Variants in ROBO1 observed in about 807,000 individuals in gnomAD.
The protein encoded by ROBO1 is roundabout guidance receptor 1, also known as roundabout homolog 1.
ROBO1 carries 149 observed loss-of-function variants against 195.9 expected under a neutral mutation model. The observed-to-expected ratio is 0.76, with a 90% CI of 0.67 to 0.87. The LOEUF is 0.87. ROBO1 is among the 40% of genes least tolerant of loss of function. The pLI, the probability that ROBO1 is intolerant of heterozygous loss-of-function variation, is 0.00. For synonymous variants in ROBO1, 816 were observed against 733.2 expected (o/e 1.11, Z -1.82); for missense variants, 1,933 against 2,068.3 (o/e 0.93, Z 1.27).
At chr3:79,115,101 G>T (rs1347928012) in intron 3 of ROBO1, among the ~76,000 whole-genome samples, 1 of 152,120 alleles carries the variant, frequency 6.6e-6, no homozygotes, top group Non-Finnish European at 1.5e-5. Flanking sequence ...TCTGATCAGG[G>T]AAACCCAAAT....
intron 2 of ROBO1, among the ~76,000 whole-genome samples, chr3:79,202,086 G>A (rs1412262948): frequency 6.6e-6 from 1 of 151,828 alleles, no homozygotes; most frequent in Admixed American, 6.6e-5. Context: ...TCAAGTCTGG[G>A]CGGCAGCCCT....
intron 2 of ROBO1, among the ~76,000 whole-genome samples, chr3:79,433,137 AG>A (rs2038747293): frequency 6.6e-6 from 1 of 152,070 alleles, no homozygotes. Flanking sequence ...TATTAAGGCC[AG>A]TATCTATTAG....
At chr3:79,093,845 A>G (rs1038778768) in intron 3 of ROBO1, among the ~76,000 whole-genome samples, 1 of 152,108 alleles carries the variant, frequency 6.6e-6, no homozygotes, top group Non-Finnish European at 1.5e-5. Context: ...TAAGAAGTGG[A>G]CAGAAAAGAA....
chr3:79,188,909 A>T (rs958336644), intron 2 of ROBO1, among the ~76,000 whole-genome samples: 6 of 151,732 alleles, frequency 4.0e-5, no homozygotes, highest in African/African-American at 1.5e-4. Context: ...ATGAGGGCAG[A>T]TCTCTCATGA....
chr3:79,741,003 T>C, intron 1 of ROBO1, among the ~76,000 whole-genome samples: 1 of 152,236 alleles, frequency 6.6e-6, no homozygotes, highest in Non-Finnish European at 1.5e-5. Flanking sequence ...TGCAGATTGT[T>C]CAGTCAAAAG....
At chr3:78,884,731 A>G (rs1444120118) in intron 4 of ROBO1, among the ~76,000 whole-genome samples, 1 of 151,146 alleles carries the variant, frequency 6.6e-6, no homozygotes, top group East Asian at 1.9e-4. Context: ...GAAAGGAAGG[A>G]AGGAAGGAAA....
intron 4 of ROBO1, among the ~76,000 whole-genome samples, chr3:78,760,862 G>A (rs1421115051): frequency 1.3e-5 from 2 of 151,662 alleles, no homozygotes; most frequent in African/African-American, 4.8e-5. Context: ...GGTTAGTCTT[G>A]AACTCCTAGC....
intron 3 of ROBO1, among the ~76,000 whole-genome samples, chr3:79,090,085 A>G (rs533881700): frequency 1.8e-4 from 27 of 151,926 alleles, no homozygotes; most frequent in African/African-American, 5.8e-4. Flanking sequence ...GACTACAGGC[A>G]TGCACCACCA....
intron 3 of ROBO1, among the ~76,000 whole-genome samples, chr3:79,036,932 G>A (rs945376416): frequency 6.6e-6 from 1 of 152,114 alleles, no homozygotes; most frequent in Non-Finnish European, 1.5e-5. Flanking sequence ...GCAGATTCTC[G>A]AGTTCTCATA....
intron 2 of ROBO1, among the ~76,000 whole-genome samples, chr3:79,305,381 G>A (rs1021396274): frequency 1.2e-4 from 18 of 151,404 alleles, no homozygotes; most frequent in Non-Finnish European, 2.7e-4. Context: ...CAGCTACTCA[G>A]GAGGCTGAGG....
At chr3:79,754,927 C>T (rs1223994529) in intron 1 of ROBO1, among the ~76,000 whole-genome samples, 1 of 152,136 alleles carries the variant, frequency 6.6e-6, no homozygotes, top group East Asian at 1.9e-4. Flanking sequence ...GTTGCGCAGG[C>T]TGGAGTGCAA....
chr3:79,018,586 C>A (rs2078016714), intron 3 of ROBO1: 1 of 1,498,304 alleles, frequency 6.7e-7, no homozygotes, highest in South Asian at 1.3e-5. Flanking sequence ...GTCAATTAGC[C>A]AAGAGTTTTC....
At chr3:79,030,963 C>A (rs2108302091) in intron 3 of ROBO1, among the ~76,000 whole-genome samples, 1 of 152,272 alleles carries the variant, frequency 6.6e-6, no homozygotes, top group South Asian at 2.1e-4. Flanking sequence ...CTCAGGTGAT[C>A]CACCCGCCTC....
chr3:79,438,558 T>C (rs2038957941), intron 2 of ROBO1, among the ~76,000 whole-genome samples: 1 of 152,034 alleles, frequency 6.6e-6, no homozygotes, highest in Admixed American at 6.6e-5. Flanking sequence ...TGGCCACTGA[T>C]ACTTATAAGT....
At position 79,365,749 on chromosome 3, in the gene ROBO1, T is replaced by A. The variant is rs531027962; in HGVS notation, c.88+224075A>T. Among the ~76,000 whole-genome samples the A allele has an allele frequency of 1.3e-4, 19 of 151,858 alleles. No individual in the cohort carries two copies. The South Asian group carries it at 3.7e-3, about 30-fold the overall frequency. ...CGTCTCTACTAAAAATACAAAAAAT[T>A]ATCCGGGCGTGGTGGCGGGTGCCTG... On this transcript the variant is annotated intron_variant, in intron 2 of 30. Coordinates refer to ENST00000464233, the MANE Select transcript of ROBO1 (RefSeq NM_002941.4).
At chr3:79,641,962 T>A (rs1945676429) in intron 1 of ROBO1, among the ~76,000 whole-genome samples, 4 of 152,184 alleles carry the variant, frequency 2.6e-5, no homozygotes, top group African/African-American at 9.7e-5. Flanking sequence ...GAGGCTAAAC[T>A]GATCTGTGAT....
At chr3:78,658,436 G>A (rs1707174327) in intron 17 of ROBO1, among the ~76,000 whole-genome samples, 1 of 152,162 alleles carries the variant, frequency 6.6e-6, no homozygotes, top group South Asian at 2.1e-4. Flanking sequence ...GATTAAAGGT[G>A]TGCACCACCA....
chr3:78,792,842 G>C (rs2084063395), intron 4 of ROBO1, among the ~76,000 whole-genome samples: 1 of 152,122 alleles, frequency 6.6e-6, no homozygotes, highest in African/African-American at 2.4e-5. Context: ...GCTCATGCCT[G>C]TAATCACAGC....
At chr3:79,592,639 C>T (rs1291676340) in intron 1 of ROBO1, among the ~76,000 whole-genome samples, 2 of 151,980 alleles carry the variant, frequency 1.3e-5, no homozygotes, top group African/African-American at 2.4e-5. Flanking sequence ...CTATTCCATT[C>T]CCTGACACTA....
Sources: allele counts gnomAD v4.1 joint callset (sites outside exome capture counted in the v4.1 genomes callset), GRCh38; gene constraint gnomAD v4.1.1; transcripts MANE v1.5; gene names NCBI Gene and HGNC (gene_info 2026-07-23, HGNC 2026-07-21).